STK36: variants seen among roughly 807,000 people sequenced by gnomAD.
STK36 encodes the protein serine/threonine kinase 36, also known as serine/threonine-protein kinase 36.
Under a neutral mutation model 142.2 loss-of-function variants are expected in STK36, and 116 were observed. The ratio of observed to expected loss-of-function variants is 0.82; its 90% CI spans 0.70 to 0.95. STK36 has a LOEUF of 0.95. STK36 is among the 40% of genes least tolerant of loss of function. The probability of loss-of-function intolerance (pLI) is 0.00; values close to 1 mark genes in which losing one functional copy is unlikely to be tolerated. For missense variants in STK36, 1,422 were observed against 1,617.2 expected (o/e 0.88, Z 2.07); for synonymous variants, 619 against 641.7 (o/e 0.96, Z 0.53).
chr2:218,696,835 C>A, intron 22 of STK36: 3 of 920,150 alleles, frequency 3.3e-6, no homozygotes, highest in Non-Finnish European at 5.4e-6. Flanking sequence ...TGGGTTTCAG[C>A]AGACATACAC....
chr2:218,685,766 A>G (rs1489905849), intron 11 of STK36, among the ~76,000 whole-genome samples: 12 of 152,116 alleles, frequency 7.9e-5, no homozygotes, highest in Admixed American at 7.9e-4. Flanking sequence ...CTTCCTGGGT[A>G]CTCGCCAAAC....
chr2:218,680,078 T>C lies in STK36; in HGVS notation c.1134T>C (p.Pro378=). Residue 378 remains proline (P), a splice_region_variant and synonymous_variant, in exon 9 of 27, where the codon CCT becomes CCC. Transcript: ENST00000295709. ...GGACTGGAGAGGTGCCCTCTGCACC[T>C]CGGTGAGAAGGGTATAGTTAGGGAT... ...KSGTGEVPSA[P]RENRTTPDCE... is the part of the protein sequence containing the mutation. The C allele has an allele frequency of 6.2e-7, 1 of 1,613,952 alleles. No homozygotes were observed. Among genetic ancestry groups the C allele is most frequent in the Non-Finnish European group, 8.5e-7 (1 of 1,179,942 alleles).
rs576554144 is a variant in STK36 at position 218,692,158 on chromosome 2, T to A, written c.1780T>A (p.Cys594Ser). The A allele has an allele frequency of 6.2e-7, 1 of 1,614,216 alleles. No homozygotes were observed. Among genetic ancestry groups the A allele is most frequent in the South Asian group, 1.1e-5 (1 of 91,084 alleles). ...TCTCCTTTAGTGCTTTACTGTCCTG[T>A]GCGAAGCCATGGATGGGAACAGCCG... ...RDSLMCFTVL[C>S]EAMDGNSRAI... Residue 594 changes from cysteine (C) to serine (S), a missense_variant, in exon 15 of 27, where the codon TGC becomes AGC. Cys to Ser is a moderately radical substitution (Grantham distance 112). Coordinates refer to ENST00000295709, the MANE Select transcript of STK36 (RefSeq NM_015690.5).
In STK36 at chr2:218,675,409, C is replaced by T. The variant is rs367544447; in HGVS notation, c.370C>T (p.Arg124Ter). The T allele has an allele frequency of 7.7e-5, 125 of 1,613,732 alleles. No homozygotes were observed. The highest frequency in any genetic ancestry group is 1.5e-4 in the South Asian group (14 of 91,064). Residue 124 changes from arginine (R) to a stop codon, truncating the protein, a stop_gained, in exon 5 of 27, where the codon CGA (arginine) becomes TGA (stop). Transcript: ENST00000295709. LOFTEE classifies it high-confidence loss of function. ...YYLHSHRILH[R>*]DMKPQNILLA... Reference sequence around the variant, plus strand: ...TCTGCATTCCCACCGCATCCTACACCGAGATATGAAGCCTCAGAACATCCT... The same window carrying T: ...TCTGCATTCCCACCGCATCCTACACTGAGATATGAAGCCTCAGAACATCCT...
chr2:218,698,103 G>C, intron 25 of STK36, 102 bp downstream of exon 25: 1 of 1,485,880 alleles, frequency 6.7e-7, no homozygotes, highest in South Asian at 1.2e-5. Flanking sequence ...GCCCCTGTAA[G>C]CATGGAACAG....
At chr2:218,675,515 G>A (rs767874660) in intron 5 of STK36, 42 bp downstream of exon 5, 51 of 1,528,510 alleles carry the variant, frequency 3.3e-5, no homozygotes, top group Middle Eastern at 1.9e-4. Context: ...AGTTCCACAC[G>A]GAATCTTTTT....
At position 218,694,091 on chromosome 2, in the gene STK36, G is replaced by A; in HGVS notation, c.2336+108G>A. ...TACAGCATATCCTTAGGAGGAATTG[G>A]GATAGAGAGCGTGAAGCTTTCTCTA... On this transcript the variant is annotated intron_variant, in intron 19 of 26. Coordinates refer to ENST00000295709, the MANE Select transcript of STK36 (RefSeq NM_015690.5). The surrounding 1 kb of genome is among the most constrained non-coding windows in gnomAD (Gnocchi z 4.4). 6 of 1,284,042 alleles carry A rather than the reference G, an allele frequency of 4.7e-6. No individual in the cohort carries two copies. Among genetic ancestry groups the A allele is most frequent in the Non-Finnish European group, 6.8e-6 (6 of 887,140 alleles). The allele number at this position is 1,284,042 out of a possible 1,614,324, so 79.5% of individuals were successfully genotyped here.
At position 218,697,966 on chromosome 2, in the gene STK36, C is replaced by G; in HGVS notation, c.3022C>G (p.Leu1008Val). 1 of 1,614,182 alleles carries G rather than the reference C, an allele frequency of 6.2e-7. No homozygotes were observed. Among genetic ancestry groups the G allele is most frequent in the Non-Finnish European group, 8.5e-7 (1 of 1,180,026 alleles). Residue 1008 changes from leucine (L) to valine (V), a missense_variant, in exon 25 of 27, where the codon CTC becomes GTC. Leu to Val is a conservative substitution (Grantham distance 32). Transcript: ENST00000295709. ...CCTCCTTATAGGTGTCTTGGCCGAC[C>G]TCAGGGACTCAGAAGTTGCAGCCCA... is the stretch of plus-strand genomic sequence containing the variant. ...ADLLIGVLAD[L>V]RDSEVAAHLL...
At chr2:218,692,824 T>G (rs1300713866) in intron 16 of STK36, 114 bp downstream of exon 16, 5 of 1,379,974 alleles carry the variant, frequency 3.6e-6, no homozygotes, top group African/African-American at 1.5e-5. Context: ...CCTTTAGTAC[T>G]TCCAGAAACA....
chr2:218,675,887 G>A, intron 5 of STK36, 142 bp from the exon 6 acceptor site: 1 of 1,056,630 alleles, frequency 9.5e-7, no homozygotes, highest in Non-Finnish European at 1.4e-6. Flanking sequence ...CGGAGCTAGA[G>A]GCTGGGACTG....
rs377450089 is a variant in STK36, at chr2:218,673,622, C to T, written c.85-3C>T. ...CGTTAACTTTTCACCTTACCACTGA[C>T]AGGTCGTGGCCCTGAAGTTCATCCC... On this transcript the variant is annotated splice_polypyrimidine_tract_variant and splice_region_variant and intron_variant, in intron 2 of 26. Coordinates refer to ENST00000295709, the MANE Select transcript of STK36 (RefSeq NM_015690.5). 29 of 1,611,212 alleles carry T rather than the reference C, an allele frequency of 1.8e-5. No individual in the cohort carries two copies. Among genetic ancestry groups the T allele is most frequent in the Non-Finnish European group, 2.4e-5 (28 of 1,179,036 alleles).
intron 9 of STK36, among the ~76,000 whole-genome samples, chr2:218,680,322 TC>T (rs1263859229): frequency 6.6e-6 from 1 of 152,200 alleles, no homozygotes; most frequent in Non-Finnish European, 1.5e-5. Flanking sequence ...AGGGAAAGGA[TC>T]ATCTCCATCC....
At position 218,689,859 on chromosome 2, in the gene STK36, C is replaced by T; in HGVS notation, c.1561C>T (p.Gln521Ter). The T allele has an allele frequency of 6.2e-7, 1 of 1,608,868 alleles. No individual in the cohort carries two copies. Among genetic ancestry groups the T allele is most frequent in the Non-Finnish European group, 8.5e-7 (1 of 1,177,342 alleles). Residue 521 changes from glutamine to a stop codon, truncating the protein, a stop_gained and splice_region_variant, in exon 13 of 27, where the codon CAA becomes TAA. Transcript: ENST00000295709. LOFTEE classifies it high-confidence loss of function. ...HSQESNSLQQ[Q>*]SWYGTFLQDL... ...ACTCTCTTCTCCTTTTCCTGGGCAG[C>T]AATCTTGGTATGGGACCTTCTTACA...
In STK36 at chr2:218,698,896, C is replaced by T. The variant is rs766612493; in HGVS notation, c.3352C>T (p.Leu1118=). 1 of 1,614,236 alleles carries T rather than the reference C, an allele frequency of 6.2e-7. No homozygotes were observed. The highest frequency in any genetic ancestry group is 8.5e-7 in the Non-Finnish European group (1 of 1,180,038). ...ATCCTATCGGCCCCTGCGCAGCCTC[C>T]TGGGCCACCCAGAGAATTCTGTGCG... ...DESYRPLRSL[L]GHPENSVRAH... Residue 1118 remains leucine, a synonymous_variant, in exon 26 of 27, where the codon CTG becomes TTG. Coordinates refer to ENST00000295709, the MANE Select transcript of STK36 (RefSeq NM_015690.5).
chr2:218,699,539 G>T (rs1941369641), intron 26 of STK36, among the ~76,000 whole-genome samples, 191 bp downstream of exon 26: 1 of 152,192 alleles, frequency 6.6e-6, no homozygotes, highest in Non-Finnish European at 1.5e-5. Flanking sequence ...GGAGCTAGAA[G>T]AGGGCTCCAA....
In STK36 at chr2:218,672,116, G is replaced by T; in HGVS notation, c.-189G>T. ...GGCCTGATGGCCCTGAGGCAGTTCG[G>T]ATGTGTCCCAGGAAGTGCCCATGTG... is the stretch of plus-strand genomic sequence containing the variant. On this transcript the variant is annotated 5_prime_UTR_variant, in exon 1 of 27. Transcript: ENST00000295709. 2 of 953,208 alleles carry T rather than the reference G, an allele frequency of 2.1e-6. No individual in the cohort carries two copies. The highest frequency in any genetic ancestry group is 3.2e-6 in the Non-Finnish European group (2 of 617,868). 59.0% of individuals were successfully genotyped at this position (953,208 alleles called of 1,614,324 possible). A position where few individuals can be genotyped will look rare whatever the true frequency, so the allele number is the denominator to read the frequency against.
intron 10 of STK36, 22 bp from the exon 11 acceptor site, chr2:218,685,063 C>G: frequency 7.4e-6 from 12 of 1,613,824 alleles, no homozygotes; most frequent in Non-Finnish European, 9.3e-6. Flanking sequence ...CTCCTGACCC[C>G]TTTCACTCCC....
Position 218,696,552 on chromosome 2 carries a change from G to A in STK36, c.2537G>A (p.Cys846Tyr), listed in dbSNP as rs756521714. ...AEVRLTPPGS[C>Y]GFYDGLLILL... ...GTTCGGTTGACTCCACCAGGTAGTTGTGGATTCTATGATGGCCTCCTTATC... is the reference window on the plus strand; with the variant it reads ...GTTCGGTTGACTCCACCAGGTAGTTATGGATTCTATGATGGCCTCCTTATC... Residue 846 changes from cysteine to tyrosine, a missense_variant, in exon 22 of 27, where the codon TGT (cysteine) becomes TAT (tyrosine). Transcript: ENST00000295709. The A allele has an allele frequency of 1.3e-5, 21 of 1,614,042 alleles. No individual in the cohort carries two copies. The highest frequency in any genetic ancestry group is 3.3e-5 in the Admixed American group (2 of 60,002).
intron 14 of STK36, 103 bp downstream of exon 14, chr2:218,690,658 C>CA (rs1346345258): frequency 1.1e-6 from 1 of 932,944 alleles, no homozygotes; most frequent in Non-Finnish European, 1.7e-6. Context: ...GTTAATATGA[C>CA]AAACATTTGT....
Sources: allele counts gnomAD v4.1 joint callset (sites outside exome capture counted in the v4.1 genomes callset), GRCh38; gene constraint gnomAD v4.1.1; non-coding constraint Gnocchi (gnomAD v3.1); transcripts MANE v1.5; gene names NCBI Gene and HGNC (gene_info 2026-07-23, HGNC 2026-07-21).